Variants in TBC1D10B observed in about 807,000 individuals in gnomAD.
TBC1D10B encodes Rab27A-GAPbeta.
In TBC1D10B, 25 loss-of-function variants were observed where a neutral mutation model predicts 78.4. The ratio of observed to expected loss-of-function variants is 0.32; its 90% CI spans 0.23 to 0.45. The LOEUF (loss-of-function observed/expected upper bound fraction) is 0.45, where lower values mean the gene tolerates loss of function less well. Ranked by LOEUF, TBC1D10B falls within the 20% of genes least tolerant of loss-of-function variation. The pLI is 1.00. For synonymous variants in TBC1D10B, 517 were observed against 478.0 expected (o/e 1.08, Z -1.06); for missense variants, 996 against 1,104.8 (o/e 0.90, Z 1.40).
intron 5 of TBC1D10B, 32 bp downstream of exon 5, chr16:30,359,695 T>C (rs2049586737): frequency 6.4e-7 from 1 of 1,556,266 alleles, no homozygotes. Context: ...AGATCCCCCC[T>C]GCCCCTCCCG....
Position 30,369,621 on chromosome 16 carries a change from G to A in TBC1D10B, c.563C>T (p.Ala188Val). The stretch of plus-strand genomic sequence containing the variant: ...ATGCCCACCTGTCACTTGTCCTGAT[G>A]CACTCCGTGCAGTCACTCCTGAGGC... Reference protein sequence around the residue: ...TVASGVTARSASGQVTGGHGA... With the variant: ...TVASGVTARSVSGQVTGGHGA... The change falls in exon 1 of 9, where the codon GCA (alanine) becomes GTA (valine). Residue 188 changes from alanine to valine, a missense_variant. Coordinates refer to ENST00000409939, the MANE Select transcript of TBC1D10B (RefSeq NM_015527.4). This position sits in a 1 kb window ranked among gnomAD's most constrained non-coding sequence, Gnocchi z 4.3. The A allele has an allele frequency of 6.6e-7, 1 of 1,525,268 alleles. No homozygotes were observed. Among genetic ancestry groups the A allele is most frequent in the Non-Finnish European group, 8.8e-7 (1 of 1,133,796 alleles). 94.5% of individuals were successfully genotyped at this position (1,525,268 alleles called of 1,614,324 possible). A position where few individuals can be genotyped will look rare whatever the true frequency, so the allele number is the denominator to read the frequency against.
At chr16:30,359,468 A>G (rs923299823) in intron 6 of TBC1D10B, 70 bp downstream of exon 6, 38 of 1,548,980 alleles carry the variant, frequency 2.5e-5, no homozygotes, top group Non-Finnish European at 3.3e-5. Flanking sequence ...GGGTGGGGCA[A>G]GGCAAGGACC....
chr16:30,370,345 G>T lies in TBC1D10B; in HGVS notation c.-162C>A. On this transcript the variant is annotated 5_prime_UTR_variant, in exon 1 of 9. Transcript: ENST00000409939. ...CGCTGGGCGCGCAGAGGCGGGGCAG[G>T]GGTCGGGGGGCGCCGCGCGCCGGGG... The T allele has an allele frequency of 4.9e-6, 1 of 205,546 alleles. No individual in the cohort carries two copies. The highest frequency in any genetic ancestry group is 1.6e-4 in the South Asian group (1 of 6,168). 12.7% of individuals were successfully genotyped at this position (205,546 alleles called of 1,614,324 possible). A position where few individuals can be genotyped will look rare whatever the true frequency, so the allele number is the denominator to read the frequency against.
Position 30,358,666 on chromosome 16 carries a change from A to G in TBC1D10B, c.1794T>C (p.His598=), listed in dbSNP as rs1321983835. Reference sequence around the variant, plus strand: ...TGCGTTGAGGGCACAGGCCTACCTCATGCACCAGGAAGTCTTCCTGCATGC... The same window carrying G: ...TGCGTTGAGGGCACAGGCCTACCTCGTGCACCAGGAAGTCTTCCTGCATGC... ...QQCMQEDFLV[H]EVTNLPVTEA... is the part of the protein sequence containing the mutation. The change falls in exon 8 of 9, where the codon CAT becomes CAC. Residue 598 remains histidine (H), a synonymous_variant. Transcript: ENST00000409939. 3 of 1,604,178 alleles carry G rather than the reference A, an allele frequency of 1.9e-6. No homozygotes were observed. Among genetic ancestry groups the G allele is most frequent in the African/African-American group, 1.3e-5 (1 of 74,754 alleles).
In TBC1D10B at chr16:30,364,692, T is replaced by A. The variant is rs959466120; in HGVS notation, c.1271+208A>T. 2.6e-5 allele frequency among the ~76,000 whole-genome samples: 4 copies of A among 151,748 alleles called. No homozygotes were observed. In the East Asian group the frequency reaches 7.8e-4, roughly 29 times the overall value. ...AAATGCAAGCTCTTCAAGGAGCCCATGACGTGCCCCCACACACAACCTGAG... is the reference window on the plus strand; with the variant it reads ...AAATGCAAGCTCTTCAAGGAGCCCAAGACGTGCCCCCACACACAACCTGAG... On this transcript the variant is annotated intron_variant, in intron 4 of 8. Transcript: ENST00000409939.
In TBC1D10B at chr16:30,369,324, A is replaced by G. The variant is rs756534725; in HGVS notation, c.860T>C (p.Val287Ala). Residue 287 changes from valine (V) to alanine (A), a missense_variant, in exon 1 of 9, where the codon GTG (valine) becomes GCG (alanine). Physicochemically the swap from Val to Ala is moderately conservative, Grantham distance 64. This residue lies in a region of TBC1D10B where 448 missense variants were observed against 442.1 expected (regional missense o/e 1.01). Coordinates refer to ENST00000409939, the MANE Select transcript of TBC1D10B (RefSeq NM_015527.4). The surrounding 1 kb of genome is among the most constrained non-coding windows in gnomAD (Gnocchi z 4.3). ...CTCTGAATCTGAGCCCATGGAGCTC[A>G]CATCATCCGCCAAGGACTCCAAGGT... ...SGTLESLADD[V>A]SSMGSDSEIN... is the part of the protein sequence containing the mutation. 1.9e-6 allele frequency: 3 copies of G among 1,596,892 alleles called. No homozygotes were observed. In the South Asian group the frequency reaches 3.4e-5, roughly 18 times the overall value.
rs1014168246 is a variant in TBC1D10B, at chr16:30,365,477, A to C, written c.1056+18T>G. The C allele has an allele frequency of 6.2e-7, 1 of 1,613,462 alleles. No individual in the cohort carries two copies. Among genetic ancestry groups the C allele is most frequent in the South Asian group, 1.1e-5 (1 of 91,072 alleles). On this transcript the variant is annotated intron_variant, in intron 2 of 8. Coordinates refer to ENST00000409939, the MANE Select transcript of TBC1D10B (RefSeq NM_015527.4). This position sits in a 1 kb window ranked among gnomAD's most constrained non-coding sequence, Gnocchi z 5.0. ...TCCCAACTTGTGCATTGCCCTGCCCACCATTCAGCCCTCAAACCTTCTGGA... is the reference window on the plus strand; with the variant it reads ...TCCCAACTTGTGCATTGCCCTGCCCCCCATTCAGCCCTCAAACCTTCTGGA...
chr16:30,362,254 G>A (rs1352636850), intron 4 of TBC1D10B, among the ~76,000 whole-genome samples: 1 of 152,112 alleles, frequency 6.6e-6, no homozygotes, highest in Non-Finnish European at 1.5e-5. Flanking sequence ...CAAAGTGCTG[G>A]GATTACAGGT....
In TBC1D10B at chr16:30,363,493, C is replaced by T. The variant is rs1325617425; in HGVS notation, c.1271+1407G>A. Reference sequence around the variant, plus strand: ...CTTTAGGCCCAGGCACAGTGGCTCACGCCTGTAATCCCAGCACTTAAGGAG... The same window carrying T: ...CTTTAGGCCCAGGCACAGTGGCTCATGCCTGTAATCCCAGCACTTAAGGAG... On this transcript the variant is annotated intron_variant, in intron 4 of 8. Transcript: ENST00000409939. 1.3e-5 allele frequency among the ~76,000 whole-genome samples: 2 copies of T among 152,154 alleles called. 1 individual carries two copies. Among genetic ancestry groups the T allele is most frequent in the Non-Finnish European group, 2.9e-5 (2 of 68,012 alleles).
chr16:30,368,116 TC>T (rs1295454817), intron 1 of TBC1D10B: 1 of 152,192 alleles, frequency 6.6e-6, no homozygotes, highest in Admixed American at 6.5e-5. Flanking sequence ...TCAGTTGCTT[TC>T]CCATGTAAGA....
In TBC1D10B at chr16:30,358,745, G is replaced by A; in HGVS notation, c.1715C>T (p.Ser572Phe). ...HTLGSVEKLRSCQGMYETMEQ... is the reference protein window; with the variant it reads ...HTLGSVEKLRFCQGMYETMEQ... Reference sequence around the variant, plus strand: ...CATGGTCTCATACATGCCTTGGCAGGAGCGCAGCTTCTCCACTGAGCCCAG... The same window carrying A: ...CATGGTCTCATACATGCCTTGGCAGAAGCGCAGCTTCTCCACTGAGCCCAG... The change falls in exon 8 of 9, where the codon TCC (serine) becomes TTC (phenylalanine). Residue 572 changes from serine to phenylalanine, a missense_variant. This residue lies in a region of TBC1D10B where 168 missense variants were observed against 238.7 expected (regional missense o/e 0.70). Transcript: ENST00000409939. The A allele has an allele frequency of 1.9e-6, 3 of 1,609,668 alleles. No individual in the cohort carries two copies. Among genetic ancestry groups the A allele is most frequent in the South Asian group, 2.2e-5 (2 of 90,152 alleles).
At position 30,359,860 on chromosome 16, in the gene TBC1D10B, A is replaced by G. The variant is rs943921928; in HGVS notation, c.1272-19T>C. On this transcript the variant is annotated intron_variant, in intron 4 of 8. Transcript: ENST00000409939. Reference sequence around the variant, plus strand: ...CTGTTGCCTGTGGGGGTTGGGGAAGACTGTGAGGGCAGTCACGGGCTGAGA... The same window carrying G: ...CTGTTGCCTGTGGGGGTTGGGGAAGGCTGTGAGGGCAGTCACGGGCTGAGA... 4 of 1,547,648 alleles carry G rather than the reference A, an allele frequency of 2.6e-6. No homozygotes were observed. In the African/African-American group the frequency reaches 5.5e-5, roughly 21 times the overall value.
At position 30,369,991 on chromosome 16, in the gene TBC1D10B, C is replaced by G; in HGVS notation, c.193G>C (p.Gly65Arg). The G allele has an allele frequency of 8.1e-7, 1 of 1,235,008 alleles. No homozygotes were observed. Among genetic ancestry groups the G allele is most frequent in the Non-Finnish European group, 1.0e-6 (1 of 989,528 alleles). The allele number at this position is 1,235,008 out of a possible 1,614,324, so 76.5% of individuals were successfully genotyped here. A position where few individuals can be genotyped will look rare whatever the true frequency, so the allele number is the denominator to read the frequency against. The change falls in exon 1 of 9, where the codon GGG becomes CGG. Residue 65 changes from glycine (G) to arginine (R), a missense_variant. This residue lies in a region of TBC1D10B where 448 missense variants were observed against 442.1 expected (regional missense o/e 1.01). Coordinates refer to ENST00000409939, the MANE Select transcript of TBC1D10B (RefSeq NM_015527.4). The surrounding 1 kb of genome is among the most constrained non-coding windows in gnomAD (Gnocchi z 4.3). ...GCCGGAGCAGAGGTCTCGGCCGACC[C>G]CGGGACCCAGGCGGGCCGCGCCTCC... ...PGEARPAWVP[G>R]SAETSAPAPA... is the part of the protein sequence containing the mutation.
At chr16:30,361,462 T>A (rs1398378604) in intron 4 of TBC1D10B, among the ~76,000 whole-genome samples, 1 of 152,194 alleles carries the variant, frequency 6.6e-6, no homozygotes, top group East Asian at 1.9e-4. Flanking sequence ...ACAGTTTCAC[T>A]CTCGTTGCCC....
intron 4 of TBC1D10B, 114 bp from the exon 5 acceptor site, chr16:30,359,955 A>AGCAGGACTGGGCAG: frequency 1.1e-6 from 1 of 946,114 alleles, no homozygotes; most frequent in Non-Finnish European, 1.6e-6. Flanking sequence ...CCACCTGCCC[A>AGCAGGACTGGGCAG]GTCCTGCTGA....
Position 30,357,883 on chromosome 16 carries a change from C to G in TBC1D10B, c.*61G>C. 6.7e-7 allele frequency: 1 copy of G among 1,499,790 alleles called. No individual in the cohort carries two copies. The highest frequency in any genetic ancestry group is 8.9e-7 in the Non-Finnish European group (1 of 1,124,740). The allele number at this position is 1,499,790 out of a possible 1,614,324, so 92.9% of individuals were successfully genotyped here. A position where few individuals can be genotyped will look rare whatever the true frequency, so the allele number is the denominator to read the frequency against. The stretch of plus-strand genomic sequence containing the variant: ...AGGTGCTAGGGGGTGGCACCTTGGG[C>G]CAGGCCTGTTCTTGGCTGAGGGAAA... On this transcript the variant is annotated 3_prime_UTR_variant, in exon 9 of 9. Coordinates refer to ENST00000409939, the MANE Select transcript of TBC1D10B (RefSeq NM_015527.4).
In TBC1D10B at chr16:30,358,693, C is replaced by A; in HGVS notation, c.1767G>T (p.Gln589His). The A allele has an allele frequency of 1.2e-6, 2 of 1,609,942 alleles. No individual in the cohort carries two copies. The highest frequency in any genetic ancestry group is 1.7e-5 in the Admixed American group (1 of 59,768). Residue 589 changes from glutamine (Q) to histidine (H), a missense_variant, in exon 8 of 9, where the codon CAG becomes CAT. Transcript: ENST00000409939. The stretch of plus-strand genomic sequence containing the variant: ...GCACCAGGAAGTCTTCCTGCATGCA[C>A]TGCTGGGGCAGGTTACGCAGCTGCT... ...TMEQLRNLPQ[Q>H]CMQEDFLVHE...
In TBC1D10B at chr16:30,369,748, G is replaced by C. The variant is rs980302582; in HGVS notation, c.436C>G (p.Pro146Ala). Reference protein sequence around the residue: ...EEARPSPAPGPGTPTGTPTRT... With the variant: ...EEARPSPAPGAGTPTGTPTRT... ...GTAGGGGTCCCGGTGGGGGTCCCTG[G>C]TCCTGGGGCGGGTGAGGGTCGAGCC... The change falls in exon 1 of 9, where the codon CCA becomes GCA. Residue 146 changes from proline to alanine, a missense_variant. Pro to Ala is a conservative substitution (Grantham distance 27). Coordinates refer to ENST00000409939, the MANE Select transcript of TBC1D10B (RefSeq NM_015527.4). This position sits in a 1 kb window ranked among gnomAD's most constrained non-coding sequence, Gnocchi z 4.3. The C allele has an allele frequency of 3.4e-6, 5 of 1,458,962 alleles. No homozygotes were observed. Among genetic ancestry groups the C allele is most frequent in the Non-Finnish European group, 4.5e-6 (5 of 1,103,018 alleles). 90.4% of individuals were successfully genotyped at this position (1,458,962 alleles called of 1,614,324 possible).
rs1481528573 is a variant in TBC1D10B, at chr16:30,369,478, C to T, written c.706G>A (p.Ala236Thr). 1 of 1,551,400 alleles carries T rather than the reference C, an allele frequency of 6.4e-7. No homozygotes were observed. Among genetic ancestry groups the T allele is most frequent in the African/African-American group, 1.4e-5 (1 of 73,158 alleles). Residue 236 changes from alanine to threonine, a missense_variant, in exon 1 of 9, where the codon GCT becomes ACT. Ala to Thr is a moderately conservative substitution (Grantham distance 58). Around this residue, in one of 5 missense-constraint regions of TBC1D10B, gnomAD observed 448 missense variants for 442.1 expected, o/e 1.01. Coordinates refer to ENST00000409939, the MANE Select transcript of TBC1D10B (RefSeq NM_015527.4). The surrounding 1 kb of genome is among the most constrained non-coding windows in gnomAD (Gnocchi z 4.3). ...APVAVVTVTPAPEPAENSQDL... is the reference protein window; with the variant it reads ...APVAVVTVTPTPEPAENSQDL... ...TGAGAGTTTTCAGCAGGCTCCGGAG[C>T]TGGGGTCACGGTCACGACAGCTACC... is the stretch of plus-strand genomic sequence containing the variant.
Sources: gnomAD v4.1 joint callset for allele counts (sites outside exome capture counted in the v4.1 genomes callset) on GRCh38, gnomAD v4.1.1 for gene constraint, gnomAD v4.1.1 regional missense constraint, Gnocchi (gnomAD v3.1) non-coding constraint, MANE v1.5 for transcripts, NCBI Gene and HGNC (gene_info 2026-07-23, HGNC 2026-07-21) for gene names.